The following GPBP1L1 variants were observed in gnomAD, a reference collection of about 807,000 sequenced individuals.
GPBP1L1 encodes the protein vasculin-like protein 1.
Under a neutral mutation model 52.5 loss-of-function variants are expected in GPBP1L1, and 23 were observed. The ratio of observed to expected loss-of-function variants is 0.44; its 90% CI spans 0.32 to 0.62. The LOEUF is 0.62. GPBP1L1 is among the 20% of genes least tolerant of loss of function. The pLI is 0.06. For synonymous variants in GPBP1L1, 243 were observed against 203.1 expected (o/e 1.20, Z -1.67); for missense variants, 596 against 579.3 (o/e 1.03, Z -0.30).
chr1:45,679,256 T>C (rs557758593), intron 2 of GPBP1L1, among the ~76,000 whole-genome samples: 3 of 152,270 alleles, frequency 2.0e-5, no homozygotes, highest in African/African-American at 4.8e-5. Context: ...AGAGGCTCCC[T>C]TGACTTGGCA....
intron 2 of GPBP1L1, among the ~76,000 whole-genome samples, chr1:45,684,846 C>A (rs1645259479): frequency 6.6e-6 from 1 of 152,082 alleles, no homozygotes; most frequent in Non-Finnish European, 1.5e-5. Context: ...CAAAAACCAA[C>A]TTTTGTATTT....
intron 2 of GPBP1L1, among the ~76,000 whole-genome samples, chr1:45,678,423 T>C (rs1645172760): frequency 6.6e-6 from 1 of 152,212 alleles, no homozygotes; most frequent in Non-Finnish European, 1.5e-5. Context: ...GATTGTTTAA[T>C]ATATAGATAG....
chr1:45,640,766 G>C (rs931747638), intron 7 of GPBP1L1, among the ~76,000 whole-genome samples: 1 of 152,102 alleles, frequency 6.6e-6, no homozygotes, highest in South Asian at 2.1e-4. Context: ...CTCAGCACTT[G>C]GAGGTGCTGA....
chr1:45,647,640 A>G (rs182382943), intron 6 of GPBP1L1, among the ~76,000 whole-genome samples: 61 of 152,314 alleles, frequency 4.0e-4, no homozygotes, highest in Non-Finnish European at 7.6e-4. Context: ...CCAGTTCCTC[A>G]AAGCCAGGTT....
At chr1:45,651,122 G>A in intron 6 of GPBP1L1, 1 of 503,532 alleles carries the variant, frequency 2.0e-6, no homozygotes, top group South Asian at 1.4e-5. Flanking sequence ...CCTCCCCAGT[G>A]ATGGCAGATC....
At chr1:45,666,499 C>A (rs1645012937) in intron 2 of GPBP1L1, among the ~76,000 whole-genome samples, 1 of 152,100 alleles carries the variant, frequency 6.6e-6, no homozygotes, top group Non-Finnish European at 1.5e-5. Flanking sequence ...TCTTCCAGGA[C>A]ACACACAGCA....
intron 9 of GPBP1L1, 157 bp from the exon 10 acceptor site, chr1:45,633,804 G>T: frequency 2.4e-6 from 2 of 818,098 alleles, no homozygotes; most frequent in South Asian, 1.9e-5. Context: ...CTTCAGTTTT[G>T]CAGGGTTTAT....
intron 10 of GPBP1L1, among the ~76,000 whole-genome samples, chr1:45,631,046 A>C (rs1311481039): frequency 6.6e-6 from 1 of 152,014 alleles, no homozygotes; most frequent in Non-Finnish European, 1.5e-5. Flanking sequence ...GAGAAAAGAT[A>C]GTCTTTTCAA....
rs747819985 is a variant in GPBP1L1 at position 45,628,347 on chromosome 1, G to T, written c.1334C>A (p.Ser445Tyr). Residue 445 changes from serine (S) to tyrosine (Y), a missense_variant, in exon 13 of 13, where the codon TCC (serine) becomes TAC (tyrosine). Ser to Tyr is a moderately radical substitution (Grantham distance 144). Coordinates refer to ENST00000355105, the MANE Select transcript of GPBP1L1 (RefSeq NM_021639.5). The stretch of plus-strand genomic sequence containing the variant: ...TGCTTTGCAAGTGCTTCTCCAAGGG[G>T]AGAACAGACTGGAACTGCGGCTCTG... ...FLQSRSSSLF[S>Y]PWRSTCKAEF... The T allele has an allele frequency of 2.5e-6, 4 of 1,614,094 alleles. No individual in the cohort carries two copies. Among genetic ancestry groups the T allele is most frequent in the Non-Finnish European group, 3.4e-6 (4 of 1,180,008 alleles).
At chr1:45,666,659 T>C (rs552887526) in intron 2 of GPBP1L1, among the ~76,000 whole-genome samples, 1 of 152,304 alleles carries the variant, frequency 6.6e-6, no homozygotes, top group African/African-American at 2.4e-5. Flanking sequence ...GAATAACTGA[T>C]TAAACACTGA....
At chr1:45,681,788 CACAAAGCTGTAAGCA>C (rs1217567037) in intron 2 of GPBP1L1, among the ~76,000 whole-genome samples, 1 of 152,172 alleles carries the variant, frequency 6.6e-6, no homozygotes, top group Admixed American at 6.5e-5. Context: ...CACTCAAAGT[CACAAAGCTGTAAGCA>C]GCAAAGCTGA....
intron 2 of GPBP1L1, among the ~76,000 whole-genome samples, chr1:45,675,732 G>T (rs1447402888): frequency 6.6e-6 from 1 of 152,116 alleles, no homozygotes; most frequent in Non-Finnish European, 1.5e-5. Context: ...TAGAGACAGG[G>T]TCTTGGCCAT....
At chr1:45,683,006 C>G (rs1001774076) in intron 2 of GPBP1L1, among the ~76,000 whole-genome samples, 3 of 151,840 alleles carry the variant, frequency 2.0e-5, no homozygotes, top group African/African-American at 7.3e-5. Context: ...TTATTTTTCC[C>G]CTCATCTATC....
Position 45,654,942 on chromosome 1 carries a change from T to C in GPBP1L1, c.191-113A>G, listed in dbSNP as rs1557708332. ...TAATAAAAAGTCCACACAAAAAAAA[T>C]AAAAAAATGTATCTTTTCTTTGTGA... On this transcript the variant is annotated intron_variant, in intron 5 of 12. Transcript: ENST00000355105. The C allele has an allele frequency of 7.2e-6, 8 of 1,111,666 alleles. No individual in the cohort carries two copies. The East Asian group carries it at 1.8e-4, about 25-fold the overall frequency. The allele number at this position is 1,111,666 out of a possible 1,614,324, so 68.9% of individuals were successfully genotyped here. A position where few individuals can be genotyped will look rare whatever the true frequency, so the allele number is the denominator to read the frequency against.
Position 45,660,337 on chromosome 1 carries a change from C to CT in GPBP1L1, c.-210dup, listed in dbSNP as rs905086416. 1 of 985,136 alleles carries CT rather than the reference C, an allele frequency of 1.0e-6. No homozygotes were observed. Among genetic ancestry groups the CT allele is most frequent in the Non-Finnish European group, 1.2e-6 (1 of 829,928 alleles). 61.0% of individuals were successfully genotyped at this position (985,136 alleles called of 1,614,324 possible). A position where few individuals can be genotyped will look rare whatever the true frequency, so the allele number is the denominator to read the frequency against. On this transcript the variant is annotated 5_prime_UTR_variant, in exon 3 of 13. Coordinates refer to ENST00000355105, the MANE Select transcript of GPBP1L1 (RefSeq NM_021639.5). ...GAAGCCAGGTTCTGTGTCGATCACTCTCTCAGTCCCCTCAACTGCTCATCT... is the reference window on the plus strand; with the variant it reads ...GAAGCCAGGTTCTGTGTCGATCACTCTTCTCAGTCCCCTCAACTGCTCATCT...
At chr1:45,663,251 C>A (rs1644968727) in intron 2 of GPBP1L1, among the ~76,000 whole-genome samples, 1 of 152,044 alleles carries the variant, frequency 6.6e-6, no homozygotes, top group Non-Finnish European at 1.5e-5. Flanking sequence ...CACAGAGAAC[C>A]TGAAGTTCAA....
chr1:45,682,571 C>T (rs898517395), intron 2 of GPBP1L1, among the ~76,000 whole-genome samples: 18 of 151,998 alleles, frequency 1.2e-4, no homozygotes, highest in East Asian at 1.9e-4. Flanking sequence ...TCTGTTAAAC[C>T]GTAAAGTTCT....
At chr1:45,677,518 A>T (rs865830860) in intron 2 of GPBP1L1, among the ~76,000 whole-genome samples, 7 of 152,100 alleles carry the variant, frequency 4.6e-5, no homozygotes, top group Non-Finnish European at 8.8e-5. Flanking sequence ...GCAAAAACAA[A>T]GAGAAAGTAC....
chr1:45,654,650 A>C lies in GPBP1L1; in HGVS notation c.370T>G (p.Phe124Val). The C allele has an allele frequency of 6.2e-7, 1 of 1,614,158 alleles. No homozygotes were observed. Among genetic ancestry groups the C allele is most frequent in the Non-Finnish European group, 8.5e-7 (1 of 1,180,026 alleles). Reference protein sequence around the residue: ...TGNHRHWNGSFHSRKGCAFQE... With the variant: ...TGNHRHWNGSVHSRKGCAFQE... ...AAAGCACACCCTTTCCGGGAGTGGA[A>C]GCTGCCATTCCAATGGCGATGGTTC... The change falls in exon 6 of 13, where the codon TTC becomes GTC. Residue 124 changes from phenylalanine (F) to valine (V), a missense_variant. Physicochemically the swap from Phe to Val is conservative, Grantham distance 50. Transcript: ENST00000355105.
Sources: gnomAD v4.1 joint callset for allele counts (sites outside exome capture counted in the v4.1 genomes callset) on GRCh38, gnomAD v4.1.1 for gene constraint, MANE v1.5 for transcripts, NCBI Gene and HGNC (gene_info 2026-07-23, HGNC 2026-07-21) for gene names.